TRHDE: variants seen among roughly 807,000 people sequenced by gnomAD.
The protein encoded by TRHDE is thyrotropin-releasing hormone-degrading ectoenzyme.
Under a neutral mutation model 125.7 loss-of-function variants are expected in TRHDE, and 72 were observed. That is an observed-to-expected ratio of 0.57 (90% confidence interval 0.47 to 0.70). The LOEUF (loss-of-function observed/expected upper bound fraction) is 0.70. Among genes scored for constraint, TRHDE ranks in the 30% least tolerant of loss-of-function variants. The pLI, the probability that TRHDE is intolerant of heterozygous loss-of-function variation, is 0.00. For missense variants in TRHDE, 1,110 were observed against 1,327.1 expected, an observed-to-expected ratio of 0.84 and a Z score of 2.54; for synonymous variants, 509 against 509.1, an observed-to-expected ratio of 1.00 and a Z score of 0.00.
chr12:72,613,239 C>T (rs1872694672), intron 12 of TRHDE, among the ~76,000 whole-genome samples: 1 of 152,140 alleles, frequency 6.6e-6, no homozygotes, highest in South Asian at 2.1e-4. Context: ...CCTCTACATG[C>T]TCACTGGCTG....
chr12:72,394,203 A>C (rs563514368), intron 3 of TRHDE, among the ~76,000 whole-genome samples: 73 of 152,302 alleles, frequency 4.8e-4, no homozygotes, highest in African/African-American at 8.7e-4. Context: ...ATACTTTCTG[A>C]GCTCTCAAAT....
intron 3 of TRHDE, among the ~76,000 whole-genome samples, chr12:72,409,640 T>C (rs1873411532): frequency 6.6e-6 from 1 of 152,190 alleles, no homozygotes; most frequent in Non-Finnish European, 1.5e-5. Flanking sequence ...GTGACAGAAA[T>C]AAACCTTTGT....
chr12:72,405,310 GT>G (rs1318106957), intron 3 of TRHDE, among the ~76,000 whole-genome samples: 3 of 152,098 alleles, frequency 2.0e-5, no homozygotes, highest in Non-Finnish European at 4.4e-5. Context: ...TAGAATATTT[GT>G]TTATAACTTG....
chr12:72,187,069 G>GC (rs1877232094), intron 2 of TRHDE, among the ~76,000 whole-genome samples: 1 of 152,028 alleles, frequency 6.6e-6, no homozygotes. Flanking sequence ...TAGTACACTA[G>GC]CCTAGAAACA....
At chr12:72,386,157 T>C (rs1034406969) in intron 3 of TRHDE, among the ~76,000 whole-genome samples, 1 of 152,194 alleles carries the variant, frequency 6.6e-6, no homozygotes, top group Non-Finnish European at 1.5e-5. Flanking sequence ...GTTTCAGACC[T>C]TCACAACTTT....
At chr12:72,338,369 C>T (rs971474426) in intron 2 of TRHDE, among the ~76,000 whole-genome samples, 1 of 152,136 alleles carries the variant, frequency 6.6e-6, no homozygotes, top group Non-Finnish European at 1.5e-5. Flanking sequence ...CTACTTGTAG[C>T]ACTTGGTAAT....
chr12:72,621,706 A>G lies in TRHDE; in HGVS notation c.2630A>G (p.Gln877Arg). The G allele has an allele frequency of 1.2e-6, 2 of 1,608,028 alleles. No individual in the cohort carries two copies. Among genetic ancestry groups the G allele is most frequent in the Non-Finnish European group, 1.7e-6 (2 of 1,178,118 alleles). ...CSFGNKHCHQ[Q>R]ASTLISDWIS... ...TTTGGCAACAAGCACTGTCACCAAC[A>G]GGCATCAACACTTATTTCAGATTGG... The change falls in exon 15 of 19, where the codon CAG becomes CGG. Residue 877 changes from glutamine to arginine, a missense_variant. Gln to Arg is a conservative substitution (Grantham distance 43). This residue lies in a region of TRHDE where 527 missense variants were observed against 651.8 expected (regional missense o/e 0.81). Coordinates refer to ENST00000261180, the MANE Select transcript of TRHDE (RefSeq NM_013381.3).
chr12:72,608,925 G>C (rs538307334), intron 12 of TRHDE, among the ~76,000 whole-genome samples: 1 of 152,152 alleles, frequency 6.6e-6, no homozygotes, highest in African/African-American at 2.4e-5. Flanking sequence ...ACCTGGGGGG[G>C]TTAGAAAACT....
At chr12:72,619,144 C>T (rs900683853) in intron 13 of TRHDE, 106 bp downstream of exon 13, 4 of 902,540 alleles carry the variant, frequency 4.4e-6, no homozygotes. Context: ...GTTTGTTCTT[C>T]TAGTTTGTGT....
intron 10 of TRHDE, among the ~76,000 whole-genome samples, chr12:72,569,163 G>T (rs1870601800): frequency 6.6e-6 from 1 of 152,110 alleles, no homozygotes. Flanking sequence ...CAAACCTCAA[G>T]GAGCAGAGAG....
chr12:72,525,874 C>T (rs1049729921), intron 6 of TRHDE, among the ~76,000 whole-genome samples: 1 of 152,004 alleles, frequency 6.6e-6, no homozygotes, highest in Admixed American at 6.6e-5. Flanking sequence ...TGATTAATGC[C>T]AAATAGTAAG....
chr12:72,424,428 G>A (rs1315936776), intron 3 of TRHDE, among the ~76,000 whole-genome samples: 1 of 152,126 alleles, frequency 6.6e-6, no homozygotes, highest in Non-Finnish European at 1.5e-5. Context: ...TTATTCACAA[G>A]TACCACGGGT....
intron 12 of TRHDE, among the ~76,000 whole-genome samples, chr12:72,584,690 A>G (rs570582025): frequency 3.3e-5 from 5 of 152,190 alleles, no homozygotes; most frequent in Admixed American, 3.3e-4. Context: ...ACTTAACATA[A>G]TGTCCTCCAG....
chr12:72,333,216 A>G (rs1869682949), intron 2 of TRHDE, among the ~76,000 whole-genome samples: 1 of 152,240 alleles, frequency 6.6e-6, no homozygotes, highest in Non-Finnish European at 1.5e-5. Context: ...AGACTGACAG[A>G]TTGGTTAAAT....
At chr12:72,518,800 T>C (rs1018584280) in intron 6 of TRHDE, among the ~76,000 whole-genome samples, 14 of 152,214 alleles carry the variant, frequency 9.2e-5, no homozygotes, top group Non-Finnish European at 1.5e-4. Context: ...TTCCTTTCCA[T>C]GTTTAGTGCT....
At chr12:72,516,647 G>C (rs559846363) in intron 6 of TRHDE, among the ~76,000 whole-genome samples, 9 of 151,646 alleles carry the variant, frequency 5.9e-5, no homozygotes, top group South Asian at 2.1e-4. Context: ...TCCTTCTCCT[G>C]CCTAATTGCC....
chr12:72,159,446 G>A (rs927410551), intron 2 of TRHDE, among the ~76,000 whole-genome samples: 1 of 152,170 alleles, frequency 6.6e-6, no homozygotes, highest in African/African-American at 2.4e-5. Flanking sequence ...ATGAAGCTAA[G>A]GCAATGGCAG....
At chr12:72,188,232 CAGT>C (rs1877267244) in intron 2 of TRHDE, among the ~76,000 whole-genome samples, 1 of 152,148 alleles carries the variant, frequency 6.6e-6, no homozygotes, top group African/African-American at 2.4e-5. Flanking sequence ...ATTTAGTAAT[CAGT>C]AGTTCCAAGT....
At chr12:72,386,895 A>G (rs12305426) in intron 3 of TRHDE, among the ~76,000 whole-genome samples, 9,737 of 151,792 alleles carry the variant, frequency 0.064, 658 homozygotes, top group African/African-American at 0.16. Flanking sequence ...TGTTTTTCCT[A>G]CCCATTGGCC....
Sources: gnomAD v4.1 joint callset for allele counts (sites outside exome capture counted in the v4.1 genomes callset) on GRCh38, gnomAD v4.1.1 for gene constraint, gnomAD v4.1.1 regional missense constraint, MANE v1.5 for transcripts, NCBI Gene and HGNC (gene_info 2026-07-23, HGNC 2026-07-21) for gene names.